Variants in DCDC1 observed in about 807,000 individuals in gnomAD.
The protein encoded by DCDC1 is doublecortin domain containing 1.
DCDC1 carries 200 observed loss-of-function variants against 178.3 expected under a neutral mutation model. That is an observed-to-expected ratio of 1.12 (90% CI 1.00 to 1.26). The LOEUF is 1.26. Among genes scored for constraint, DCDC1 ranks in the 50% most tolerant of loss-of-function variants. The pLI is 0.00. For missense variants in DCDC1, 1,983 were observed against 1,749.2 expected (o/e 1.13, Z -2.38); for synonymous variants, 690 against 604.8 (o/e 1.14, Z -2.07).
chr11:31,104,846 A>G (rs2135755018), intron 13 of DCDC1, among the ~76,000 whole-genome samples: 1 of 152,256 alleles, frequency 6.6e-6, no homozygotes, highest in South Asian at 2.1e-4. Context: ...TGGTGAATCT[A>G]GGTGAAAGAT....
At chr11:31,049,878 T>C (rs1324740859) in intron 20 of DCDC1, among the ~76,000 whole-genome samples, 1 of 152,142 alleles carries the variant, frequency 6.6e-6, no homozygotes, top group Non-Finnish European at 1.5e-5. Flanking sequence ...CAAGCAGCCA[T>C]TCCTGCCTGG....
At chr11:31,022,706 A>G (rs1952965811) in intron 20 of DCDC1, among the ~76,000 whole-genome samples, 1 of 144,312 alleles carries the variant, frequency 6.9e-6, no homozygotes, top group Non-Finnish European at 1.5e-5. Flanking sequence ...TTATCTATCT[A>G]TATGTCTATC....
chr11:31,076,653 T>C (rs936339364), intron 18 of DCDC1, among the ~76,000 whole-genome samples: 2 of 152,174 alleles, frequency 1.3e-5, no homozygotes, highest in African/African-American at 4.8e-5. Context: ...TGCTGTTTGT[T>C]TGGAGATACA....
intron 20 of DCDC1, among the ~76,000 whole-genome samples, chr11:30,956,261 C>G (rs1425648930): frequency 6.6e-6 from 1 of 152,106 alleles, no homozygotes; most frequent in East Asian, 1.9e-4. Flanking sequence ...GTCTCAAAGT[C>G]TTGGCCTCAG....
chr11:31,306,380 T>G lies in DCDC1; in HGVS notation c.443A>C (p.Glu148Ala), dbSNP rs771181733. Residue 148 changes from glutamate to alanine, a missense_variant, in exon 5 of 39, where the codon GAG (glutamate) becomes GCG (alanine). Coordinates refer to ENST00000684477, the MANE Select transcript of DCDC1 (RefSeq NM_001387274.1). The stretch of plus-strand genomic sequence containing the variant: ...TGACTGAAATTTTAAAGAAGAGAAC[T>G]CTGCAACCCTGAAGAAAAAGAAAAA... ...SAPVGQLRVAEFSSLKFQSAR... is the reference protein window; with the variant it reads ...SAPVGQLRVAAFSSLKFQSAR... 1 of 1,596,102 alleles carries G rather than the reference T, an allele frequency of 6.3e-7. No individual in the cohort carries two copies. Among genetic ancestry groups the G allele is most frequent in the South Asian group, 1.1e-5 (1 of 87,198 alleles).
intron 9 of DCDC1, among the ~76,000 whole-genome samples, chr11:31,164,434 T>A (rs1391795079): frequency 6.6e-6 from 1 of 152,184 alleles, no homozygotes; most frequent in Non-Finnish European, 1.5e-5. Context: ...TCCATGCATG[T>A]TACTGAAGAC....
chr11:31,075,926 C>A (rs942116755), intron 18 of DCDC1, among the ~76,000 whole-genome samples: 2 of 152,184 alleles, frequency 1.3e-5, no homozygotes, highest in Non-Finnish European at 1.5e-5. Context: ...ATGGTGCGAT[C>A]TTGACTCACC....
intron 20 of DCDC1, among the ~76,000 whole-genome samples, chr11:31,053,920 G>C (rs1376912409): frequency 6.6e-6 from 1 of 152,102 alleles, no homozygotes; most frequent in East Asian, 1.9e-4. Context: ...ACAAGACAAG[G>C]ATGCCCACTC....
chr11:31,351,937 C>A (rs898872877), intron 1 of DCDC1, among the ~76,000 whole-genome samples: 6 of 152,082 alleles, frequency 3.9e-5, no homozygotes, highest in Non-Finnish European at 8.8e-5. Context: ...GTTTAAAGGG[C>A]TGCAGAGGGA....
intron 20 of DCDC1, among the ~76,000 whole-genome samples, chr11:30,974,220 G>C (rs1054092571): frequency 4.0e-5 from 6 of 150,974 alleles, no homozygotes; most frequent in Non-Finnish European, 7.4e-5. Flanking sequence ...AAGCCTGTCG[G>C]ATACAGTAAA....
intron 9 of DCDC1, among the ~76,000 whole-genome samples, chr11:31,210,646 G>T (rs1038154172): frequency 6.6e-6 from 1 of 151,340 alleles, no homozygotes; most frequent in Non-Finnish European, 1.5e-5. Flanking sequence ...GGGAGGCAGA[G>T]GTTGCAATGA....
intron 20 of DCDC1, among the ~76,000 whole-genome samples, chr11:31,063,566 T>C (rs1956075718): frequency 6.6e-6 from 1 of 152,130 alleles, no homozygotes; most frequent in Admixed American, 6.6e-5. Flanking sequence ...GTGACATTTC[T>C]ATCTACAGTC....
chr11:30,921,007 C>T, intron 24 of DCDC1, 72 bp from the exon 25 acceptor site: 2 of 1,453,716 alleles, frequency 1.4e-6, no homozygotes, highest in Non-Finnish European at 1.8e-6. Flanking sequence ...TAAAAACACA[C>T]ACTAAAATAC....
At chr11:31,240,565 CAGAGAATAAT>C (rs1341248473) in intron 9 of DCDC1, among the ~76,000 whole-genome samples, 4 of 151,962 alleles carry the variant, frequency 2.6e-5, no homozygotes, top group Non-Finnish European at 5.9e-5. Flanking sequence ...TCTCTGCAAG[CAGAGAATAAT>C]ATAGCATGAT....
chr11:30,873,579 G>A (rs1446079781), intron 38 of DCDC1, among the ~76,000 whole-genome samples: 1 of 152,016 alleles, frequency 6.6e-6, no homozygotes, highest in Non-Finnish European at 1.5e-5. Flanking sequence ...CTGAAATAAC[G>A]TCCTGTGGAT....
chr11:31,185,785 A>AGCT (rs1969408191), intron 9 of DCDC1, among the ~76,000 whole-genome samples: 1 of 152,324 alleles, frequency 6.6e-6, no homozygotes, highest in South Asian at 2.1e-4. Context: ...GCAAAAGACC[A>AGCT]GCTGCTTTTA....
At chr11:30,912,091 G>C (rs1224794391) in intron 27 of DCDC1, among the ~76,000 whole-genome samples, 1 of 152,030 alleles carries the variant, frequency 6.6e-6, no homozygotes, top group Non-Finnish European at 1.5e-5. Flanking sequence ...ATAAGAAAAG[G>C]AATGTGACGT....
intron 21 of DCDC1, among the ~76,000 whole-genome samples, chr11:30,951,688 T>C (rs1230904855): frequency 2.6e-5 from 4 of 152,156 alleles, no homozygotes; most frequent in Non-Finnish European, 5.9e-5. Flanking sequence ...ATCTTTAAAC[T>C]TTGATCATTT....
At chr11:30,981,955 A>C (rs1395226873) in intron 20 of DCDC1, among the ~76,000 whole-genome samples, 1 of 152,200 alleles carries the variant, frequency 6.6e-6, no homozygotes, top group Non-Finnish European at 1.5e-5. Context: ...CTACTGTGAA[A>C]AAAGGCTTTC....
Sources: allele counts gnomAD v4.1 joint callset (sites outside exome capture counted in the v4.1 genomes callset), GRCh38; gene constraint gnomAD v4.1.1; transcripts MANE v1.5; gene names NCBI Gene and HGNC (gene_info 2026-07-23, HGNC 2026-07-21).